The following ABHD12 variants were observed in gnomAD, a reference collection of about 807,000 sequenced individuals.
ABHD12 encodes the protein lysophosphatidylserine lipase ABHD12.
In ABHD12, 43 loss-of-function variants were observed where a neutral mutation model predicts 58.3. The observed-to-expected ratio is 0.74, with a 90% confidence interval of 0.58 to 0.95. The LOEUF (loss-of-function observed/expected upper bound fraction) is 0.95. Ranked by LOEUF, ABHD12 falls within the 40% of genes least tolerant of loss-of-function variation. ABHD12 has a pLI of 0.00. For missense variants in ABHD12, 539 were observed against 537.2 expected, an observed-to-expected ratio of 1.00 and a Z score of -0.03; for synonymous variants, 219 against 211.2, an observed-to-expected ratio of 1.04 and a Z score of -0.32.
chr20:25,370,380 C>T (rs1292476472), intron 1 of ABHD12, among the ~76,000 whole-genome samples: 1 of 152,136 alleles, frequency 6.6e-6, no homozygotes, highest in Admixed American at 6.6e-5. Flanking sequence ...GTGGAAGACT[C>T]AGAGGCCACC....
At position 25,390,635 on chromosome 20, in the gene ABHD12, G is replaced by T; in HGVS notation, c.69C>A (p.Ser23=). ...CGTCCAGCGCCGCGGCGGCCGAGCC[G>T]GAGGAGGACGAGCCCGCGGCGGCGC... The part of the protein sequence containing the change: ...ERCAAAGSSS[S]GSAAAALDAD... Residue 23 remains serine (S), a synonymous_variant, in exon 1 of 13, where the codon TCC becomes TCA. Transcript: ENST00000339157. 1.4e-6 allele frequency: 2 copies of T among 1,453,212 alleles called. No homozygotes were observed. The highest frequency in any genetic ancestry group is 1.8e-6 in the Non-Finnish European group (2 of 1,107,636). 90.0% of individuals were successfully genotyped at this position (1,453,212 alleles called of 1,614,324 possible).
At chr20:25,332,206 A>G (rs887057763) in intron 2 of ABHD12, among the ~76,000 whole-genome samples, 8 of 151,904 alleles carry the variant, frequency 5.3e-5, no homozygotes, top group African/African-American at 1.9e-4. Context: ...AAAGAGACAA[A>G]GAAGGCCATT....
rs192759357 is a variant in ABHD12, at chr20:25,310,303, G to T, written c.620-728C>A. On this transcript the variant is annotated intron_variant, in intron 6 of 12. Transcript: ENST00000339157. ...TGGGTTCAAGGCAACCATGACCCAG[G>T]AAGGGGAAAGGGGCTGTTTCCCCTT... 8 of 152,448 alleles carry T rather than the reference G, an allele frequency of 5.2e-5. No individual in the cohort carries two copies. In the East Asian group the frequency reaches 1.5e-3, roughly 29 times the overall value. 9.4% of individuals were successfully genotyped at this position (152,448 alleles called of 1,614,324 possible).
Position 25,390,693 on chromosome 20 carries a change from C to T in ABHD12, c.11G>A (p.Arg4Gln), listed in dbSNP as rs764773397. Reference protein sequence around the residue: MRKRTEPVALEHER... With the variant: MRKQTEPVALEHER... ...ATGCTCCAAGGCGACGGGCTCGGTCCGCTTCCTCATCCCGCGGCCGACAGG... is the reference window on the plus strand; with the variant it reads ...ATGCTCCAAGGCGACGGGCTCGGTCTGCTTCCTCATCCCGCGGCCGACAGG... Residue 4 changes from arginine to glutamine, a missense_variant, in exon 1 of 13, where the codon CGG becomes CAG. Physicochemically the swap from Arg to Gln is conservative, Grantham distance 43. Coordinates refer to ENST00000339157, the MANE Select transcript of ABHD12 (RefSeq NM_001042472.3). The T allele has an allele frequency of 4.3e-6, 6 of 1,400,152 alleles. No individual in the cohort carries two copies. Among genetic ancestry groups the T allele is most frequent in the South Asian group, 1.5e-5 (1 of 68,268 alleles). 86.7% of individuals were successfully genotyped at this position (1,400,152 alleles called of 1,614,324 possible). A position where few individuals can be genotyped will look rare whatever the true frequency, so the allele number is the denominator to read the frequency against.
At chr20:25,322,922 C>T (rs139113410) in intron 3 of ABHD12, among the ~76,000 whole-genome samples, 306 of 151,930 alleles carry the variant, frequency 2.0e-3, no homozygotes, top group African/African-American at 6.8e-3. Flanking sequence ...GGGGTTTCAC[C>T]TTGTCGCCAA....
chr20:25,304,428 C>T (rs2088697620), intron 10 of ABHD12, among the ~76,000 whole-genome samples: 1 of 152,256 alleles, frequency 6.6e-6, no homozygotes, highest in African/African-American at 2.4e-5. Flanking sequence ...CCCTCCTGCC[C>T]TCAGAGCTGT....
At chr20:25,356,590 CTGTT>C (rs2089671131) in intron 1 of ABHD12, among the ~76,000 whole-genome samples, 1 of 152,242 alleles carries the variant, frequency 6.6e-6, no homozygotes, top group Non-Finnish European at 1.5e-5. Context: ...TCCAGGGTAA[CTGTT>C]TGAACAACCT....
intron 1 of ABHD12, among the ~76,000 whole-genome samples, chr20:25,352,572 G>C (rs539912844): frequency 6.6e-6 from 1 of 152,290 alleles, no homozygotes; most frequent in African/African-American, 2.4e-5. Flanking sequence ...TTACAGGCAT[G>C]AGTCACCATG....
At chr20:25,373,638 C>G (rs1156810077) in intron 1 of ABHD12, among the ~76,000 whole-genome samples, 1 of 151,540 alleles carries the variant, frequency 6.6e-6, no homozygotes, top group East Asian at 1.9e-4. Flanking sequence ...ATCTTTGTTC[C>G]TGTGTGCACA....
intron 1 of ABHD12, among the ~76,000 whole-genome samples, chr20:25,358,568 C>A (rs557412256): frequency 6.6e-6 from 1 of 152,320 alleles, no homozygotes; most frequent in East Asian, 1.9e-4. Flanking sequence ...AGCACCATCA[C>A]CTGCACACCC....
At chr20:25,300,204 G>A, downstream of ABHD12, 1 of 996,264 alleles carries the variant, frequency 1.0e-6, no homozygotes, top group African/African-American at 1.7e-5. Context: ...GCGCTGCAGA[G>A]AGACAAAAGG....
Position 25,390,715 on chromosome 20 carries a change from C to T in ABHD12, c.-12G>A, listed in dbSNP as rs1363015464. The T allele has an allele frequency of 1.5e-6, 2 of 1,353,236 alleles. No homozygotes were observed. Among genetic ancestry groups the T allele is most frequent in the East Asian group, 6.7e-5 (2 of 30,060 alleles). The allele number at this position is 1,353,236 out of a possible 1,614,324, so 83.8% of individuals were successfully genotyped here. On this transcript the variant is annotated 5_prime_UTR_variant, in exon 1 of 13. Transcript: ENST00000339157. The stretch of plus-strand genomic sequence containing the variant: ...GTCCGCTTCCTCATCCCGCGGCCGA[C>T]AGGGCCAGCCGCCGACGGCGCCCGC...
intron 2 of ABHD12, among the ~76,000 whole-genome samples, chr20:25,327,108 A>C (rs866484737): frequency 1.5e-4 from 23 of 152,240 alleles, no homozygotes; most frequent in African/African-American, 4.6e-4. Flanking sequence ...CAGCAGGAAG[A>C]AGTTAGAGCT....
chr20:25,369,518 G>A (rs142686864), intron 1 of ABHD12, among the ~76,000 whole-genome samples: 65 of 152,230 alleles, frequency 4.3e-4, no homozygotes, highest in African/African-American at 1.5e-3. Context: ...CAAGGCTTTA[G>A]GGTTTGCTGC....
chr20:25,378,621 C>T (rs1262889529), intron 1 of ABHD12, among the ~76,000 whole-genome samples: 3 of 151,960 alleles, frequency 2.0e-5, no homozygotes, highest in Admixed American at 6.6e-5. Flanking sequence ...CTTCCCATTA[C>T]GAACAGTTCA....
At chr20:25,344,859 C>G (rs1434969353) in intron 1 of ABHD12, among the ~76,000 whole-genome samples, 1 of 152,190 alleles carries the variant, frequency 6.6e-6, no homozygotes, top group South Asian at 2.1e-4. Context: ...GTCGACTCAT[C>G]TGTGACAAAG....
intron 2 of ABHD12, among the ~76,000 whole-genome samples, chr20:25,337,377 C>A (rs1346910918): frequency 6.6e-6 from 1 of 152,250 alleles, no homozygotes; most frequent in Non-Finnish European, 1.5e-5. Context: ...GGAGGCTCAG[C>A]CTCCCCTTGC....
Position 25,300,593 on chromosome 20 carries a change from T to C in ABHD12, c.*252A>G. On this transcript the variant is annotated 3_prime_UTR_variant, in exon 13 of 13. Transcript: ENST00000339157. ...GCTGCCATTAAGTCTCCCAACAAGA[T>C]CTCAGGTTGAGGGGCGGCAAGGAGA... The C allele has an allele frequency of 7.0e-7, 1 of 1,435,000 alleles. No individual in the cohort carries two copies. Among genetic ancestry groups the C allele is most frequent in the Non-Finnish European group, 9.1e-7 (1 of 1,099,388 alleles). 88.9% of individuals were successfully genotyped at this position (1,435,000 alleles called of 1,614,324 possible). A position where few individuals can be genotyped will look rare whatever the true frequency, so the allele number is the denominator to read the frequency against.
At chr20:25,295,677 C>G (rs1421374598), downstream of ABHD12, 4 of 1,611,766 alleles carry the variant, frequency 2.5e-6, no homozygotes, top group Non-Finnish European at 3.4e-6. Context: ...CCGGGTGAGG[C>G]TCCTGGGTCC....
Sources: gnomAD v4.1 joint callset for allele counts (sites outside exome capture counted in the v4.1 genomes callset) on GRCh38, gnomAD v4.1.1 for gene constraint, MANE v1.5 for transcripts, NCBI Gene and HGNC (gene_info 2026-07-23, HGNC 2026-07-21) for gene names.